The following UTP6 variants were observed in gnomAD, a reference collection of about 807,000 sequenced individuals.
UTP6 encodes the protein UTP6 small subunit processome component.
In UTP6, 60 loss-of-function variants were observed where a neutral mutation model predicts 96.5. The ratio of observed to expected loss-of-function variants is 0.62; its 90% CI spans 0.51 to 0.77. The LOEUF is 0.77. Ranked by LOEUF, UTP6 falls within the 30% of genes least tolerant of loss-of-function variation. UTP6 has a pLI of 0.00. For missense variants in UTP6, 637 were observed against 706.5 expected (o/e 0.90, Z 1.12); for synonymous variants, 215 against 240.1 (o/e 0.90, Z 0.96).
intron 17 of UTP6, among the ~76,000 whole-genome samples, 154 bp from the exon 18 acceptor site, chr17:31,865,592 A>C (rs1909766817): frequency 6.6e-6 from 1 of 152,244 alleles, no homozygotes; most frequent in Non-Finnish European, 1.5e-5. Flanking sequence ...TAGGAAAAAA[A>C]TCAAAGCCAC....
In UTP6 at chr17:31,889,155, C is replaced by T. The variant is rs188917944; in HGVS notation, c.543+130G>A. On this transcript the variant is annotated intron_variant, in intron 7 of 18. Coordinates refer to ENST00000261708, the MANE Select transcript of UTP6 (RefSeq NM_018428.3). ...CAAAAAAAATAGCCAGGTATGGTGG[C>T]GGGCACCTGTAATCCCAGCTACTCG... 7.3e-4 allele frequency: 424 copies of T among 582,808 alleles called. 1 individual carries two copies. Among genetic ancestry groups the T allele is most frequent in the African/African-American group, 6.4e-3 (344 of 53,382 alleles). 36.1% of individuals were successfully genotyped at this position (582,808 alleles called of 1,614,324 possible). A position where few individuals can be genotyped will look rare whatever the true frequency, so the allele number is the denominator to read the frequency against.
At position 31,868,031 on chromosome 17, in the gene UTP6, A is replaced by C; in HGVS notation, c.1563+15T>G. 1 of 1,611,266 alleles carries C rather than the reference A, an allele frequency of 6.2e-7. No individual in the cohort carries two copies. The highest frequency in any genetic ancestry group is 8.5e-7 in the Non-Finnish European group (1 of 1,178,588). On this transcript the variant is annotated intron_variant, in intron 17 of 18. Coordinates refer to ENST00000261708, the MANE Select transcript of UTP6 (RefSeq NM_018428.3). ...CCATTTTCCCAGACAAGAAATGCTG[A>C]AACAGAACACTTACTTGCTCCTTTT...
At position 31,894,653 on chromosome 17, in the gene UTP6, T is replaced by C; in HGVS notation, c.304A>G (p.Lys102Glu). The C allele has an allele frequency of 6.2e-7, 1 of 1,607,452 alleles. No homozygotes were observed. The highest frequency in any genetic ancestry group is 8.5e-7 in the Non-Finnish European group (1 of 1,176,074). ...VQGVFQRASAKWKDDVQLWLS... is the reference protein window; with the variant it reads ...VQGVFQRASAEWKDDVQLWLS... ...ATGCCTTGATCACTCACTTTCCATT[T>C]TGCTGAGGCACGCTGGAAAACACCT... The change falls in exon 4 of 19, where the codon AAA becomes GAA. Residue 102 changes from lysine to glutamate, a missense_variant. Coordinates refer to ENST00000261708, the MANE Select transcript of UTP6 (RefSeq NM_018428.3).
chr17:31,863,072 G>T lies in UTP6; in HGVS notation c.*287C>A. ...AGATTAGCACATCAAACTGAGCAGTGTCATGCACCTATAATCCCAGCTACT... is the reference window on the plus strand; with the variant it reads ...AGATTAGCACATCAAACTGAGCAGTTTCATGCACCTATAATCCCAGCTACT... On this transcript the variant is annotated 3_prime_UTR_variant, in exon 19 of 19. Coordinates refer to ENST00000261708, the MANE Select transcript of UTP6 (RefSeq NM_018428.3). 2.7e-6 allele frequency: 1 copy of T among 376,668 alleles called. No homozygotes were observed. The allele number at this position is 376,668 out of a possible 1,614,324, so 23.3% of individuals were successfully genotyped here. A position where few individuals can be genotyped will look rare whatever the true frequency, so the allele number is the denominator to read the frequency against.
chr17:31,869,881 G>A (rs1216480748), intron 16 of UTP6, among the ~76,000 whole-genome samples: 4 of 152,098 alleles, frequency 2.6e-5, no homozygotes, highest in South Asian at 2.1e-4. Context: ...TTATATCCAC[G>A]TGTACCCAAT....
chr17:31,865,500 A>G, intron 17 of UTP6, 62 bp from the exon 18 acceptor site: 11 of 1,515,700 alleles, frequency 7.3e-6, no homozygotes, highest in Middle Eastern at 1.7e-4. Flanking sequence ...ATTCATTCCA[A>G]CCATATTGTT....
At chr17:31,871,135 G>A (rs764168442) in intron 16 of UTP6, among the ~76,000 whole-genome samples, 11 of 151,706 alleles carry the variant, frequency 7.3e-5, no homozygotes, top group Non-Finnish European at 1.3e-4. Context: ...GAATACAGGC[G>A]CCTGCCACCA....
intron 7 of UTP6, 96 bp from the exon 8 acceptor site, chr17:31,887,409 G>A: frequency 1.1e-6 from 1 of 919,748 alleles, no homozygotes. Flanking sequence ...GAGTGCACTG[G>A]TGATGACAGC....
intron 17 of UTP6, among the ~76,000 whole-genome samples, chr17:31,865,657 G>A (rs1671778486): frequency 6.6e-6 from 1 of 152,180 alleles, no homozygotes; most frequent in Middle Eastern, 3.2e-3. Context: ...GTAGTAGCAT[G>A]GAGAAAAGTG....
At chr17:31,880,973 C>T (rs1598105970) in intron 10 of UTP6, among the ~76,000 whole-genome samples, 2 of 151,980 alleles carry the variant, frequency 1.3e-5, no homozygotes, top group South Asian at 4.1e-4. Context: ...GTCGGGAGTT[C>T]GAGACCAGCC....
At position 31,889,327 on chromosome 17, in the gene UTP6, G is replaced by A. The variant is rs769966529; in HGVS notation, c.501C>T (p.Arg167=). 4.1e-5 allele frequency: 66 copies of A among 1,613,716 alleles called. No individual in the cohort carries two copies. Among genetic ancestry groups the A allele is most frequent in the Middle Eastern group, 3.3e-4 (2 of 6,062 alleles). ...GGCACTCTGGATGAAAGCGCAGTGC[G>A]CGAAGAAATAGTTGCCTTGCGCTTT... The part of the protein sequence containing the change: ...SSESARQLFL[R]ALRFHPECPK... Residue 167 remains arginine, a synonymous_variant, in exon 7 of 19, where the codon CGC becomes CGT. Coordinates refer to ENST00000261708, the MANE Select transcript of UTP6 (RefSeq NM_018428.3).
chr17:31,874,918 C>T (rs915992141), intron 14 of UTP6, among the ~76,000 whole-genome samples: 46 of 129,884 alleles, frequency 3.5e-4, no homozygotes, highest in Middle Eastern at 8.2e-3. Context: ...GACAACAGAG[C>T]GAGACTCCAT....
In UTP6 at chr17:31,875,339, T is replaced by G. The variant is rs1304563541; in HGVS notation, c.1200A>C (p.Arg400Ser). 2.5e-6 allele frequency: 4 copies of G among 1,614,066 alleles called. No individual in the cohort carries two copies. The highest frequency in any genetic ancestry group is 3.4e-6 in the Non-Finnish European group (4 of 1,180,038). ...EVAVAGTELF[R>S]DSGTMWQLKL... Reference sequence around the variant, plus strand: ...TCAGCTGCCACATTGTCCCAGAGTCTCTAAACAATTCAGTTCCAGCTACTG... The same window carrying G: ...TCAGCTGCCACATTGTCCCAGAGTCGCTAAACAATTCAGTTCCAGCTACTG... Residue 400 changes from arginine to serine, a missense_variant, in exon 14 of 19, where the codon AGA (arginine) becomes AGC (serine). By Grantham distance (110) the Arg-to-Ser change is moderately radical. Transcript: ENST00000261708.
rs543763073 is a variant in UTP6 at position 31,887,092 on chromosome 17, C to T, written c.621+144G>A. 6.6e-5 allele frequency: 43 copies of T among 652,886 alleles called. No individual in the cohort carries two copies. In the African/African-American group the frequency reaches 7.3e-4, roughly 11 times the overall value. The allele number at this position is 652,886 out of a possible 1,614,324, so 40.4% of individuals were successfully genotyped here. On this transcript the variant is annotated intron_variant, in intron 8 of 18. Coordinates refer to ENST00000261708, the MANE Select transcript of UTP6 (RefSeq NM_018428.3). ...GAGCCAAGATGGTGCCACTGCACTC[C>T]AGCCTGTGTGACAGACCGAGACTCC...
At chr17:31,891,493 G>A (rs1007601732) in intron 6 of UTP6, among the ~76,000 whole-genome samples, 9 of 152,094 alleles carry the variant, frequency 5.9e-5, no homozygotes, top group African/African-American at 1.4e-4. Context: ...ATCTGATTAA[G>A]CCTAATACCC....
chr17:31,887,160 A>T (rs977655235), intron 8 of UTP6, 76 bp downstream of exon 8: 1 of 1,302,186 alleles, frequency 7.7e-7, no homozygotes, highest in African/African-American at 1.5e-5. Flanking sequence ...TATTCCAAAT[A>T]TTTTCTCTTA....
chr17:31,892,116 T>C lies in UTP6; in HGVS notation c.424+144A>G, dbSNP rs1904353874. 3 of 734,436 alleles carry C rather than the reference T, an allele frequency of 4.1e-6. No individual in the cohort carries two copies. In the South Asian group the frequency reaches 5.2e-5, roughly 13 times the overall value. The allele number at this position is 734,436 out of a possible 1,614,324, so 45.5% of individuals were successfully genotyped here. ...AGGCAGGGGTGAACTATGAGGCAGC[T>C]ATTCAGTAAGAAAAACTGCTGAGGC... On this transcript the variant is annotated intron_variant, in intron 6 of 18. Transcript: ENST00000261708.
At chr17:31,878,842 A>G (rs1910652760) in intron 11 of UTP6, 61 bp from the exon 12 acceptor site, 3 of 1,480,896 alleles carry the variant, frequency 2.0e-6, no homozygotes, top group Non-Finnish European at 1.9e-6. Context: ...ATCACATCAA[A>G]GTTATTAAAA....
intron 6 of UTP6, among the ~76,000 whole-genome samples, chr17:31,891,202 G>A (rs1911470911): frequency 6.6e-6 from 1 of 152,112 alleles, no homozygotes; most frequent in Admixed American, 6.6e-5. Flanking sequence ...GCAAGCAATT[G>A]CTTTGGGCTT....
Sources: allele counts gnomAD v4.1 joint callset (sites outside exome capture counted in the v4.1 genomes callset), GRCh38; gene constraint gnomAD v4.1.1; transcripts MANE v1.5; gene names NCBI Gene and HGNC (gene_info 2026-07-23, HGNC 2026-07-21).